ROBO1: variants seen among roughly 807,000 people sequenced by gnomAD.
ROBO1 encodes the protein roundabout guidance receptor 1.
A neutral mutation model predicts 195.9 loss-of-function variants in ROBO1; 149 were observed. That is an observed-to-expected ratio of 0.76 (90% confidence interval 0.67 to 0.87). ROBO1 has a LOEUF of 0.87. ROBO1 is among the 40% of genes least tolerant of loss of function. The pLI, the probability that ROBO1 is intolerant of heterozygous loss-of-function variation, is 0.00. For synonymous variants in ROBO1, 816 were observed against 733.2 expected, an observed-to-expected ratio of 1.11 and a Z score of -1.82; for missense variants, 1,933 against 2,068.3, an observed-to-expected ratio of 0.93 and a Z score of 1.27.
intron 2 of ROBO1, among the ~76,000 whole-genome samples, chr3:79,171,014 G>A (rs1481257763): frequency 1.3e-5 from 2 of 150,876 alleles, no homozygotes; most frequent in Non-Finnish European, 3.0e-5. Flanking sequence ...GATTTTTCAG[G>A]GATATTTTGA....
chr3:78,898,476 C>G (rs1371919627), intron 4 of ROBO1, among the ~76,000 whole-genome samples: 4 of 145,186 alleles, frequency 2.8e-5, no homozygotes, highest in Non-Finnish European at 6.0e-5. Flanking sequence ...CAACCTCCGT[C>G]TCCTGGGTTC....
intron 5 of ROBO1, among the ~76,000 whole-genome samples, chr3:78,743,901 A>C (rs2082593233): frequency 6.6e-6 from 1 of 152,186 alleles, no homozygotes; most frequent in Non-Finnish European, 1.5e-5. Flanking sequence ...GACAGCAAAA[A>C]AGCTGGGAAG....
At chr3:79,383,791 T>C (rs1220999622) in intron 2 of ROBO1, among the ~76,000 whole-genome samples, 5 of 152,080 alleles carry the variant, frequency 3.3e-5, no homozygotes, top group Non-Finnish European at 7.4e-5. Context: ...TTTCATTAGA[T>C]GAATTGCCAG....
At chr3:79,531,194 A>G (rs570643826) in intron 2 of ROBO1, among the ~76,000 whole-genome samples, 3 of 152,266 alleles carry the variant, frequency 2.0e-5, no homozygotes, top group African/African-American at 7.2e-5. Flanking sequence ...ATTAATTACT[A>G]TTTATTTATA....
chr3:78,953,615 A>T (rs1198541311), intron 3 of ROBO1, among the ~76,000 whole-genome samples: 1 of 152,150 alleles, frequency 6.6e-6, no homozygotes, highest in African/African-American at 2.4e-5. Flanking sequence ...AGTAGAAGAA[A>T]CTGGAATCAA....
intron 2 of ROBO1, among the ~76,000 whole-genome samples, chr3:79,389,144 T>C (rs1388230393): frequency 1.3e-5 from 2 of 151,968 alleles, no homozygotes; most frequent in Non-Finnish European, 2.9e-5. Context: ...GTAAACCTTT[T>C]CCATATTAAA....
At chr3:79,163,784 G>T (rs1287080353) in intron 2 of ROBO1, among the ~76,000 whole-genome samples, 2 of 151,948 alleles carry the variant, frequency 1.3e-5, no homozygotes, top group Non-Finnish European at 2.9e-5. Context: ...ACAAAGAAAA[G>T]GATCCTATTT....
chr3:79,735,892 A>G (rs1304083154), intron 1 of ROBO1, among the ~76,000 whole-genome samples: 2 of 151,890 alleles, frequency 1.3e-5, no homozygotes, highest in African/African-American at 4.8e-5. Context: ...AAAAACAAAA[A>G]AAAAACAAAA....
intron 4 of ROBO1, among the ~76,000 whole-genome samples, chr3:78,843,283 T>A (rs1021936628): frequency 6.6e-6 from 1 of 152,114 alleles, no homozygotes; most frequent in African/African-American, 2.4e-5. Flanking sequence ...GTTTTCAGAC[T>A]CAAAATCAAT....
intron 4 of ROBO1, among the ~76,000 whole-genome samples, chr3:78,880,337 C>T (rs111548349): frequency 1.2e-4 from 19 of 152,196 alleles, no homozygotes; most frequent in African/African-American, 4.6e-4. Context: ...TGAAATGTTG[C>T]TGTATTTCAT....
chr3:79,711,982 C>G (rs1478373467), intron 1 of ROBO1, among the ~76,000 whole-genome samples: 2 of 151,210 alleles, frequency 1.3e-5, no homozygotes, highest in African/African-American at 4.9e-5. Context: ...CTTAATTGAT[C>G]AATGTTGTGT....
chr3:78,801,033 A>G (rs1311422856), intron 4 of ROBO1, among the ~76,000 whole-genome samples: 1 of 152,194 alleles, frequency 6.6e-6, no homozygotes, highest in Non-Finnish European at 1.5e-5. Context: ...AGAGTTCATT[A>G]TTTTATTCAC....
rs200476492 is a variant in ROBO1 at position 79,760,558 on chromosome 3, A to G, written c.-51+7194T>C. On this transcript the variant is annotated intron_variant, in intron 1 of 30. Coordinates refer to ENST00000464233, the MANE Select transcript of ROBO1 (RefSeq NM_002941.4). Reference sequence around the variant, plus strand: ...AGAATTTGTATAATCTATAAGAAAAAAGATAAATGTCTCACTAGAGAAATG... The same window carrying G: ...AGAATTTGTATAATCTATAAGAAAAGAGATAAATGTCTCACTAGAGAAATG... Among the ~76,000 whole-genome samples the G allele has an allele frequency of 2.0e-5, 3 of 151,376 alleles. No homozygotes were observed. In the East Asian group the frequency reaches 5.8e-4, roughly 29 times the overall value.
chr3:78,727,548 C>A (rs2082194360), intron 5 of ROBO1, among the ~76,000 whole-genome samples: 1 of 152,096 alleles, frequency 6.6e-6, no homozygotes. Flanking sequence ...TGGCGTGAAC[C>A]CAGGAGGCGG....
At chr3:78,656,136 C>A (rs76720170) in intron 18 of ROBO1, among the ~76,000 whole-genome samples, 3 of 151,244 alleles carry the variant, frequency 2.0e-5, no homozygotes, top group Non-Finnish European at 4.4e-5. Flanking sequence ...TTTTTTAATT[C>A]ATCTAACCAC....
intron 2 of ROBO1, among the ~76,000 whole-genome samples, chr3:79,361,331 T>C (rs550204966): frequency 7.2e-5 from 11 of 152,180 alleles, no homozygotes; most frequent in Admixed American, 5.9e-4. Context: ...AATCAAAAAG[T>C]AAGGCAAATA....
At chr3:78,717,980 T>C in intron 5 of ROBO1, 97 bp from the exon 6 acceptor site, 2 of 1,194,888 alleles carry the variant, frequency 1.7e-6, no homozygotes, top group Non-Finnish European at 2.4e-6. Context: ...TCTAAGCATA[T>C]AAATCAAAGC....
rs1316518562 is a variant in ROBO1 at position 78,842,354 on chromosome 3, AT to A, written c.500-95455del. Among the ~76,000 whole-genome samples, 17 of 94,732 alleles carry A rather than the reference AT, an allele frequency of 1.8e-4. 1 individual carries two copies. Among genetic ancestry groups the A allele is most frequent in the African/African-American group, 7.3e-4 (17 of 23,264 alleles). The allele number at this position is 94,732 out of a possible 152,430, so 62.1% of individuals were successfully genotyped here. On this transcript the variant is annotated intron_variant, in intron 4 of 30. Coordinates refer to ENST00000464233, the MANE Select transcript of ROBO1 (RefSeq NM_002941.4). ...ATTTTTATATATATGAGCCATATAT[AT>A]TTTTATATATATGAGCCATATATAT...
At chr3:78,858,369 T>A (rs1285473233) in intron 4 of ROBO1, among the ~76,000 whole-genome samples, 1 of 152,026 alleles carries the variant, frequency 6.6e-6, no homozygotes, top group East Asian at 1.9e-4. Flanking sequence ...CCTAAACTGC[T>A]GTCACTAGCC....
Sources: gnomAD v4.1 joint callset for allele counts (sites outside exome capture counted in the v4.1 genomes callset) on GRCh38, gnomAD v4.1.1 for gene constraint, MANE v1.5 for transcripts, NCBI Gene and HGNC (gene_info 2026-07-23, HGNC 2026-07-21) for gene names.